TNIK: variants seen among roughly 807,000 people sequenced by gnomAD.
TNIK encodes TRAF2 and NCK-interacting protein kinase.
In TNIK, 49 loss-of-function variants were observed where a neutral mutation model predicts 191.3. The ratio of observed to expected loss-of-function variants is 0.26; its 90% CI spans 0.20 to 0.32. The LOEUF (loss-of-function observed/expected upper bound fraction) is 0.32. TNIK is among the 10% of genes least tolerant of loss of function. The probability of loss-of-function intolerance (pLI) is 1.00; values close to 1 mark genes in which losing one functional copy is unlikely to be tolerated. For synonymous variants in TNIK, 594 were observed against 600.9 expected (o/e 0.99, Z 0.17); for missense variants, 1,155 against 1,702.3 (o/e 0.68, Z 5.66).
At chr3:171,241,812 A>T (rs903429409) in intron 2 of TNIK, among the ~76,000 whole-genome samples, 86 of 152,272 alleles carry the variant, frequency 5.6e-4, no homozygotes, top group African/African-American at 1.9e-3. Context: ...TGTGGCACAT[A>T]TACACCATGG....
At chr3:171,256,319 C>A (rs542958659) in intron 2 of TNIK, among the ~76,000 whole-genome samples, 1 of 152,214 alleles carries the variant, frequency 6.6e-6, no homozygotes. Flanking sequence ...GAAATACCAG[C>A]TGAAATTAAA....
rs1337380166 is a variant in TNIK, at chr3:171,434,470, T to TA, written c.57+25536_57+25537insT. Among the ~76,000 whole-genome samples, 55 of 150,844 alleles carry TA rather than the reference T, an allele frequency of 3.6e-4. No individual in the cohort carries two copies. In the East Asian group the frequency reaches 5.2e-3, roughly 14 times the overall value. On this transcript the variant is annotated intron_variant, in intron 1 of 32. Coordinates refer to ENST00000436636, the MANE Select transcript of TNIK (RefSeq NM_015028.4). ...TTATTTATTTATTTATTTATTTATT[T>TA]TTTTTGAGACAAAGTCTTGCTCTGT...
At chr3:171,265,401 TTAGAAGAGCCACAGGC>T (rs796795092) in intron 2 of TNIK, among the ~76,000 whole-genome samples, 149 of 152,338 alleles carry the variant, frequency 9.8e-4, no homozygotes, top group African/African-American at 3.2e-3. Flanking sequence ...TGACTTCTTT[TTAGAAGAGCCACAGGC>T]TAGAAGAGCC....
chr3:171,126,184 T>C, intron 16 of TNIK, 33 bp from the exon 17 acceptor site: 1 of 1,497,362 alleles, frequency 6.7e-7, no homozygotes, highest in Non-Finnish European at 8.9e-7. Flanking sequence ...AACAGCACTA[T>C]TAGAAGAAAA....
At chr3:171,103,479 G>A (rs528674793) in intron 21 of TNIK, among the ~76,000 whole-genome samples, 1 of 151,916 alleles carries the variant, frequency 6.6e-6, no homozygotes, top group South Asian at 2.1e-4. Flanking sequence ...GAAAGTGAAG[G>A]GTATGCTATT....
At chr3:171,343,981 A>G (rs529074535) in intron 2 of TNIK, among the ~76,000 whole-genome samples, 8 of 152,312 alleles carry the variant, frequency 5.3e-5, no homozygotes, top group Non-Finnish European at 8.8e-5. Flanking sequence ...GCAGAAATCA[A>G]CATTTCAAAC....
rs527855712 is a variant in TNIK at position 171,179,894 on chromosome 3, T to C, written c.640-2514A>G. On this transcript the variant is annotated intron_variant, in intron 7 of 32. Coordinates refer to ENST00000436636, the MANE Select transcript of TNIK (RefSeq NM_015028.4). The stretch of plus-strand genomic sequence containing the variant: ...ATGGTGGGTTGGCTCTTAAGGTCCC[T>C]GTGCTATTTTGATAAGACTCTAGTA... Among the ~76,000 whole-genome samples, 98 of 152,352 alleles carry C rather than the reference T, an allele frequency of 6.4e-4. 1 individual carries two copies. In the Middle Eastern group the frequency reaches 0.024, roughly 37 times the overall value.
intron 2 of TNIK, among the ~76,000 whole-genome samples, chr3:171,290,828 G>A (rs757828121): frequency 4.6e-5 from 7 of 152,124 alleles, no homozygotes; most frequent in Non-Finnish European, 8.8e-5. Flanking sequence ...TTTATGGAAC[G>A]AGTCAGTTCA....
At chr3:171,104,655 TTATTCAAA>T (rs1724388181) in intron 21 of TNIK, among the ~76,000 whole-genome samples, 1 of 152,164 alleles carries the variant, frequency 6.6e-6, no homozygotes, top group Non-Finnish European at 1.5e-5. Flanking sequence ...ACAATATAGT[TTATTCAAA>T]TAAATATTAG....
chr3:171,224,026 A>C (rs551620867), intron 3 of TNIK, among the ~76,000 whole-genome samples: 3 of 152,120 alleles, frequency 2.0e-5, no homozygotes, highest in Non-Finnish European at 4.4e-5. Context: ...GAGAGTAAGG[A>C]ATTGGCCCAG....
At chr3:171,208,284 G>A (rs775062104) in intron 4 of TNIK, among the ~76,000 whole-genome samples, 4 of 152,026 alleles carry the variant, frequency 2.6e-5, no homozygotes, top group Admixed American at 6.6e-5. Context: ...CGGTGCCACC[G>A]CACTCCAGCC....
chr3:171,210,019 C>G (rs763035674), intron 4 of TNIK, among the ~76,000 whole-genome samples: 1 of 152,136 alleles, frequency 6.6e-6, no homozygotes, highest in Non-Finnish European at 1.5e-5. Context: ...ATAGTAGGCT[C>G]TTGCTAATTC....
chr3:171,073,665 GA>G (rs1303113486), intron 28 of TNIK, among the ~76,000 whole-genome samples: 1 of 151,874 alleles, frequency 6.6e-6, no homozygotes, highest in Non-Finnish European at 1.5e-5. Context: ...AATTCAACAA[GA>G]AAAAATCCTA....
chr3:171,317,016 A>C (rs1195743332), intron 2 of TNIK, among the ~76,000 whole-genome samples: 2 of 105,754 alleles, frequency 1.9e-5, no homozygotes, highest in Non-Finnish European at 3.8e-5. Context: ...TATATATCAT[A>C]TAAAATATAT....
At chr3:171,284,341 A>G (rs1750789016) in intron 2 of TNIK, among the ~76,000 whole-genome samples, 1 of 152,214 alleles carries the variant, frequency 6.6e-6, no homozygotes, top group African/African-American at 2.4e-5. Context: ...TTTTTAATTT[A>G]GTAGTTCTTT....
intron 18 of TNIK, among the ~76,000 whole-genome samples, chr3:171,113,862 G>T (rs562213863): frequency 6.6e-6 from 1 of 151,706 alleles, no homozygotes; most frequent in Non-Finnish European, 1.5e-5. Context: ...CTTTGCCTGC[G>T]TTGAGCACAG....
intron 18 of TNIK, among the ~76,000 whole-genome samples, chr3:171,120,977 T>C (rs1727670082): frequency 6.6e-6 from 1 of 152,288 alleles, no homozygotes; most frequent in African/African-American, 2.4e-5. Flanking sequence ...CACATGCAGC[T>C]TCAGTATATA....
At chr3:171,253,776 CTT>C in intron 2 of TNIK, among the ~76,000 whole-genome samples, 2 of 152,316 alleles carry the variant, frequency 1.3e-5, no homozygotes, top group Middle Eastern at 3.4e-3. Flanking sequence ...TCTAGCCACT[CTT>C]TCCCTTAAAG....
At chr3:171,286,351 G>T (rs763509808) in intron 2 of TNIK, among the ~76,000 whole-genome samples, 3 of 152,136 alleles carry the variant, frequency 2.0e-5, no homozygotes, top group African/African-American at 4.8e-5. Context: ...ATCTATTCAG[G>T]TATCTCTGGA....
Sources: gnomAD v4.1 joint callset for allele counts (sites outside exome capture counted in the v4.1 genomes callset) on GRCh38, gnomAD v4.1.1 for gene constraint, MANE v1.5 for transcripts, NCBI Gene and HGNC (gene_info 2026-07-23, HGNC 2026-07-21) for gene names.